Variants in ADAMTS6 observed in about 807,000 individuals in gnomAD.
ADAMTS6 encodes ADAM metallopeptidase with thrombospondin type 1 motif 6, also known as A disintegrin and metalloproteinase with thrombospondin motifs 6.
ADAMTS6 carries 23 observed loss-of-function variants against 144.3 expected under a neutral mutation model. The observed-to-expected ratio is 0.16, with a 90% CI of 0.11 to 0.23. The LOEUF (loss-of-function observed/expected upper bound fraction) is 0.23, where lower values mean the gene tolerates loss of function less well. Ranked by LOEUF, ADAMTS6 falls within the 10% of genes least tolerant of loss-of-function variation. The pLI is 1.00. For synonymous variants in ADAMTS6, 444 were observed against 457.5 expected (o/e 0.97, Z 0.38); for missense variants, 999 against 1,379.6 (o/e 0.72, Z 4.37).
At chr5:65,187,438 T>C (rs1312105586) in intron 22 of ADAMTS6, among the ~76,000 whole-genome samples, 1 of 152,216 alleles carries the variant, frequency 6.6e-6, no homozygotes, top group South Asian at 2.1e-4. Flanking sequence ...TCCTATGTTA[T>C]AACCTTCAGC....
chr5:65,404,329 T>C lies in ADAMTS6; in HGVS notation c.1073+47146A>G, dbSNP rs1473972871. ...CCCCATGACAGGCCCTGGTGTGTTA[T>C]ATTCCCCATCCTGTGTCCAAGTGTT... On this transcript the variant is annotated intron_variant, in intron 7 of 24. Coordinates refer to ENST00000381055, the MANE Select transcript of ADAMTS6 (RefSeq NM_197941.4). Among the ~76,000 whole-genome samples, 4 of 152,102 alleles carry C rather than the reference T, an allele frequency of 2.6e-5. No individual in the cohort carries two copies. The East Asian group carries it at 5.8e-4, about 22-fold the overall frequency.
Position 65,334,013 on chromosome 5 carries a change from AAAAAAAAAAAAAAC to A in ADAMTS6, c.1117+15_1117+28del. On this transcript the variant is annotated intron_variant, in intron 8 of 24. Coordinates refer to ENST00000381055, the MANE Select transcript of ADAMTS6 (RefSeq NM_197941.4). ...TACCTTTATTAAAAAAAAAAAAAAAAAAAAAAAAAAAAACCAAAAAAAACTTACCCAGTGTTCCA... is the reference window on the plus strand; with the variant it reads ...TACCTTTATTAAAAAAAAAAAAAAAACAAAAAAAACTTACCCAGTGTTCCA... 1.4e-6 allele frequency: 2 copies of A among 1,399,534 alleles called. No homozygotes were observed. The highest frequency in any genetic ancestry group is 1.7e-5 in the South Asian group (1 of 57,328). The allele number at this position is 1,399,534 out of a possible 1,614,324, so 86.7% of individuals were successfully genotyped here. A position where few individuals can be genotyped will look rare whatever the true frequency, so the allele number is the denominator to read the frequency against.
chr5:65,275,653 C>A (rs1322677815), intron 11 of ADAMTS6, among the ~76,000 whole-genome samples: 1 of 150,182 alleles, frequency 6.7e-6, no homozygotes, highest in Non-Finnish European at 1.5e-5. Context: ...CACATGTATC[C>A]CAGAACTTAA....
chr5:65,253,922 G>C (rs1760427707), intron 14 of ADAMTS6, among the ~76,000 whole-genome samples: 1 of 142,958 alleles, frequency 7.0e-6, no homozygotes, highest in East Asian at 2.1e-4. Flanking sequence ...CCGCTTCCTG[G>C]GCTCAAGTGA....
chr5:65,200,067 G>A (rs1310090790), intron 20 of ADAMTS6, among the ~76,000 whole-genome samples: 1 of 152,144 alleles, frequency 6.6e-6, no homozygotes, highest in Admixed American at 6.5e-5. Flanking sequence ...ATATTAGACA[G>A]TGTGGTATTT....
Position 65,451,501 on chromosome 5 carries a change from G to C in ADAMTS6, c.1047C>G (p.His349Gln). ...GNTIPENGIA[H>Q]HDNAVLITRY... ...TAGTAATAAGAACTGCATTATCGTG[G>C]TGGGCAATCCCATTTTCTGGAATGG... The change falls in exon 7 of 25, where the codon CAC becomes CAG. Residue 349 changes from histidine (H) to glutamine (Q), a missense_variant. His to Gln is a conservative substitution (Grantham distance 24). This residue lies in a region of ADAMTS6 where 128 missense variants were observed against 249.0 expected (regional missense o/e 0.51). Transcript: ENST00000381055. The C allele has an allele frequency of 6.2e-7, 1 of 1,613,684 alleles. No homozygotes were observed. Among genetic ancestry groups the C allele is most frequent in the African/African-American group, 1.3e-5 (1 of 75,004 alleles).
At chr5:65,432,584 T>C (rs1362733514) in intron 7 of ADAMTS6, among the ~76,000 whole-genome samples, 1 of 152,024 alleles carries the variant, frequency 6.6e-6, no homozygotes, top group Non-Finnish European at 1.5e-5. Context: ...TCGAATCTGA[T>C]CATGTCACTT....
intron 14 of ADAMTS6, among the ~76,000 whole-genome samples, chr5:65,253,626 T>C (rs1760382458): frequency 6.6e-6 from 1 of 152,002 alleles, no homozygotes; most frequent in African/African-American, 2.4e-5. Flanking sequence ...ATCCTTTAAA[T>C]TGGGGTGGCT....
chr5:65,422,654 T>TA (rs35449618), intron 7 of ADAMTS6, among the ~76,000 whole-genome samples: 1,851 of 151,014 alleles, frequency 0.012, 19 homozygotes, highest in Non-Finnish European at 0.013. Context: ...ATTAAAAAAT[T>TA]AAAAAAAAAC....
At chr5:65,231,320 T>G (rs1758227787) in intron 15 of ADAMTS6, among the ~76,000 whole-genome samples, 1 of 152,004 alleles carries the variant, frequency 6.6e-6, no homozygotes, top group African/African-American at 2.4e-5. Flanking sequence ...AAGGAGTCAA[T>G]TCATGAATTC....
intron 10 of ADAMTS6, among the ~76,000 whole-genome samples, chr5:65,292,015 ATATAT>A (rs1742363481): frequency 6.6e-6 from 1 of 152,176 alleles, no homozygotes. Context: ...TTCCTCTCAA[ATATAT>A]TAGAAGTGTT....
At chr5:65,196,448 T>A (rs534226014) in intron 21 of ADAMTS6, among the ~76,000 whole-genome samples, 1 of 133,852 alleles carries the variant, frequency 7.5e-6, no homozygotes, top group Non-Finnish European at 1.5e-5. Flanking sequence ...GCATGAACCC[T>A]GGAGGCAGAG....
intron 20 of ADAMTS6, among the ~76,000 whole-genome samples, chr5:65,199,068 G>T (rs528601711): frequency 6.6e-6 from 1 of 151,968 alleles, no homozygotes; most frequent in African/African-American, 2.4e-5. Context: ...CATCCATCCT[G>T]GTTCAATATT....
intron 7 of ADAMTS6, among the ~76,000 whole-genome samples, chr5:65,376,452 A>G (rs547349512): frequency 1.3e-5 from 2 of 151,530 alleles, no homozygotes; most frequent in African/African-American, 4.8e-5. Flanking sequence ...CTCCATCTCA[A>G]AAAAAAAGGA....
chr5:65,413,097 G>T (rs1325464309), intron 7 of ADAMTS6, among the ~76,000 whole-genome samples: 2 of 152,090 alleles, frequency 1.3e-5, no homozygotes, highest in Non-Finnish European at 2.9e-5. Context: ...TTGTCTTTTT[G>T]ATCAATTTCT....
At chr5:65,223,320 A>G (rs1757466181) in intron 18 of ADAMTS6, among the ~76,000 whole-genome samples, 1 of 152,208 alleles carries the variant, frequency 6.6e-6, no homozygotes, top group South Asian at 2.1e-4. Context: ...ATAACTTCCT[A>G]CAGTTGCCTT....
chr5:65,343,122 C>G (rs552361254), intron 7 of ADAMTS6, among the ~76,000 whole-genome samples: 1 of 152,042 alleles, frequency 6.6e-6, no homozygotes. Flanking sequence ...GACCATACTA[C>G]CCAAATCAAT....
chr5:65,400,776 T>C (rs541791709), intron 7 of ADAMTS6, among the ~76,000 whole-genome samples: 6 of 152,318 alleles, frequency 3.9e-5, no homozygotes, highest in Admixed American at 1.3e-4. Context: ...ATTTAGAGTC[T>C]TTTATTAATA....
intron 15 of ADAMTS6, among the ~76,000 whole-genome samples, chr5:65,230,826 TATAA>T (rs1361422326): frequency 1.4e-5 from 1 of 70,722 alleles, no homozygotes; most frequent in Non-Finnish European, 2.6e-5. Flanking sequence ...AATACATATG[TATAA>T]ATATATATAT....
Sources: allele counts gnomAD v4.1 joint callset (sites outside exome capture counted in the v4.1 genomes callset), GRCh38; gene constraint gnomAD v4.1.1; regional missense constraint gnomAD v4.1.1; transcripts MANE v1.5; gene names NCBI Gene and HGNC (gene_info 2026-07-23, HGNC 2026-07-21).